RBPJ: variants seen among roughly 807,000 people sequenced by gnomAD.
RBPJ encodes recombining binding protein suppressor of hairless.
Under a neutral mutation model 67.8 loss-of-function variants are expected in RBPJ, and 9 were observed. The observed-to-expected ratio is 0.13, with a 90% CI of 0.08 to 0.23. RBPJ has a LOEUF of 0.23. Ranked by LOEUF, RBPJ falls within the 10% of genes least tolerant of loss-of-function variation. The probability of loss-of-function intolerance (pLI) is 1.00; values close to 1 mark genes in which losing one functional copy is unlikely to be tolerated. For missense variants in RBPJ, 305 were observed against 595.6 expected (o/e 0.51, Z 5.08); for synonymous variants, 198 against 203.3 (o/e 0.97, Z 0.22).
At chr4:26,178,934 G>A (rs370762174) in intron 1 of RBPJ, among the ~76,000 whole-genome samples, 25 of 152,290 alleles carry the variant, frequency 1.6e-4, no homozygotes, top group African/African-American at 5.5e-4. Context: ...TGGAGGATCG[G>A]GTTTGGAAGC....
intron 1 of RBPJ, among the ~76,000 whole-genome samples, chr4:26,196,209 G>T (rs1312373539): frequency 6.6e-6 from 1 of 152,192 alleles, no homozygotes; most frequent in Non-Finnish European, 1.5e-5. Context: ...ATGGATGAAT[G>T]AAATGTTCTG....
chr4:26,111,511 A>T, the RBPJ span, among the ~76,000 whole-genome samples: 2 of 152,212 alleles, frequency 1.3e-5, no homozygotes, highest in African/African-American at 4.8e-5. Context: ...GCAATTTCAC[A>T]GCATGTTCTG....
At chr4:26,313,304 G>T (rs1000159612) in intron 1 of RBPJ, among the ~76,000 whole-genome samples, 1 of 152,114 alleles carries the variant, frequency 6.6e-6, no homozygotes. Context: ...GGCCGAGGTG[G>T]GCGGATCACC....
chr4:26,265,393 G>A (rs931487053), intron 1 of RBPJ, among the ~76,000 whole-genome samples: 1 of 152,008 alleles, frequency 6.6e-6, no homozygotes, highest in Non-Finnish European at 1.5e-5. Context: ...GCCAGGCGTG[G>A]TAGTGGGCAT....
Position 26,264,472 on chromosome 4 carries a change from C to A in RBPJ, c.-166-97974C>A, listed in dbSNP as rs996789647. ...TTCGTAAACTGTCCATTTGATCCTT[C>A]CATTTTCTTTAAAATGGAGTTTCTT... On this transcript the variant is annotated intron_variant, in intron 1 of 4. Transcript: ENST00000512351. The surrounding 1 kb of genome is among the most constrained non-coding windows in gnomAD (Gnocchi z 4.1). 6.6e-6 allele frequency among the ~76,000 whole-genome samples: 1 copy of A among 152,124 alleles called. No homozygotes were observed. The highest frequency in any genetic ancestry group is 1.5e-5 in the Non-Finnish European group (1 of 68,034).
chr4:26,397,490 C>T (rs530295502), intron 2 of RBPJ, among the ~76,000 whole-genome samples: 12 of 152,270 alleles, frequency 7.9e-5, no homozygotes, highest in African/African-American at 2.9e-4. Context: ...TTCTGTTTTG[C>T]AACTTTTCCT....
At chr4:26,257,079 C>CGTT (rs1720365696) in intron 1 of RBPJ, among the ~76,000 whole-genome samples, 1 of 152,130 alleles carries the variant, frequency 6.6e-6, no homozygotes, top group Admixed American at 6.5e-5. Context: ...TTCATTGTTA[C>CGTT]GTTGTTGTTG....
chr4:26,421,299 G>A (rs1307561248), intron 5 of RBPJ, among the ~76,000 whole-genome samples: 4 of 151,624 alleles, frequency 2.6e-5, no homozygotes, highest in Non-Finnish European at 5.9e-5. Flanking sequence ...TTTTTATTAT[G>A]GAGACTTTTC....
At chr4:26,408,989 A>G (rs1014548788) in intron 3 of RBPJ, among the ~76,000 whole-genome samples, 3 of 152,218 alleles carry the variant, frequency 2.0e-5, no homozygotes, top group African/African-American at 7.2e-5. Flanking sequence ...AATTATGAAT[A>G]GATGTGTGTT....
chr4:26,236,192 A>C (rs1245742587), intron 1 of RBPJ, among the ~76,000 whole-genome samples: 1 of 152,212 alleles, frequency 6.6e-6, no homozygotes, highest in Non-Finnish European at 1.5e-5. Flanking sequence ...TGTATCAGCC[A>C]CGTAAACTCT....
chr4:26,247,566 G>T (rs111739800), intron 1 of RBPJ, among the ~76,000 whole-genome samples: 10 of 151,886 alleles, frequency 6.6e-5, no homozygotes, highest in Non-Finnish European at 1.2e-4. Flanking sequence ...ATGCGCCACC[G>T]CGTCCGGCTA....
chr4:26,130,507 G>A, the RBPJ span, among the ~76,000 whole-genome samples: 1 of 152,124 alleles, frequency 6.6e-6, no homozygotes, highest in African/African-American at 2.4e-5. Flanking sequence ...CCTGGTCTCA[G>A]TCCTTATTTT....
chr4:26,262,019 C>T (rs973074455), intron 1 of RBPJ, among the ~76,000 whole-genome samples: 2 of 152,238 alleles, frequency 1.3e-5, no homozygotes, highest in African/African-American at 4.8e-5. Flanking sequence ...AATCAAGGCT[C>T]ACTGCAGCCT....
intron 1 of RBPJ, among the ~76,000 whole-genome samples, chr4:26,327,443 AT>A (rs1051751975): frequency 4.6e-5 from 7 of 151,634 alleles, no homozygotes; most frequent in African/African-American, 9.7e-5. Context: ...TAGAAAACAC[AT>A]TTTTTTAATG....
chr4:26,246,279 GT>G (rs1719925930), intron 1 of RBPJ, among the ~76,000 whole-genome samples: 2 of 152,212 alleles, frequency 1.3e-5, no homozygotes, highest in Admixed American at 1.3e-4. Flanking sequence ...GACTTGCACT[GT>G]TTTTGTTAAA....
Position 26,289,976 on chromosome 4 carries a change from T to C in RBPJ, c.-166-72470T>C, listed in dbSNP as rs151289114. On this transcript the variant is annotated intron_variant, in intron 1 of 4. Coordinates refer to the RBPJ transcript ENST00000512351. ...ATAAATATTCTATATTGTCAATTAA[T>C]TAAGGACTTTGCTAAAAGAGAGCAA... 6.4e-3 allele frequency among the ~76,000 whole-genome samples: 964 copies of C among 150,524 alleles called. 44 individuals carry two copies. Among genetic ancestry groups the C allele is most frequent in the Admixed American group, 0.011 (169 of 15,096 alleles).
chr4:26,185,199 T>A (rs1453868774), intron 1 of RBPJ, among the ~76,000 whole-genome samples: 15 of 152,016 alleles, frequency 9.9e-5, no homozygotes, highest in African/African-American at 3.6e-4. Context: ...GGATTTTTTT[T>A]TTTTCCAAGA....
At chr4:26,177,273 A>G (rs1481726630) in intron 1 of RBPJ, among the ~76,000 whole-genome samples, 1 of 152,170 alleles carries the variant, frequency 6.6e-6, no homozygotes, top group African/African-American at 2.4e-5. Context: ...ACCAAGGAAA[A>G]TGGTATCTAA....
chr4:26,160,108 T>G, upstream of RBPJ, among the ~76,000 whole-genome samples: 1 of 151,766 alleles, frequency 6.6e-6, no homozygotes, highest in East Asian at 1.9e-4. Context: ...TTAGTAGAAA[T>G]GGGGTTTCAC....
Sources: allele counts gnomAD v4.1 joint callset (sites outside exome capture counted in the v4.1 genomes callset), GRCh38; gene constraint gnomAD v4.1.1; non-coding constraint Gnocchi (gnomAD v3.1); transcripts MANE v1.5; gene names NCBI Gene and HGNC (gene_info 2026-07-23, HGNC 2026-07-21).